Variants in PDZRN4 observed in about 807,000 individuals in gnomAD.
PDZRN4 encodes PDZ domain containing ring finger 4.
PDZRN4 carries 70 observed loss-of-function variants against 99.0 expected under a neutral mutation model. The ratio of observed to expected loss-of-function variants is 0.71; its 90% CI spans 0.58 to 0.86. PDZRN4 has a LOEUF of 0.86. PDZRN4 is among the 40% of genes least tolerant of loss of function. The probability of loss-of-function intolerance (pLI) is 0.00; values close to 1 mark genes in which losing one functional copy is unlikely to be tolerated. For synonymous variants in PDZRN4, 551 were observed against 501.6 expected (o/e 1.10, Z -1.32); for missense variants, 1,474 against 1,331.2 (o/e 1.11, Z -1.67).
chr12:41,246,509 T>C (rs7302984), intron 3 of PDZRN4, among the ~76,000 whole-genome samples: 85,863 of 151,780 alleles, frequency 0.57, 24,357 homozygotes, highest in East Asian at 0.65. Flanking sequence ...ACGTTTGCAG[T>C]TTGTTGCCCT....
chr12:41,385,889 C>T (rs1952166811), intron 3 of PDZRN4, among the ~76,000 whole-genome samples: 3 of 152,048 alleles, frequency 2.0e-5, no homozygotes, highest in Admixed American at 6.6e-5. Context: ...CCAATAACCT[C>T]GATGAACATA....
At chr12:41,405,928 T>C (rs1229936610) in intron 3 of PDZRN4, among the ~76,000 whole-genome samples, 2 of 146,700 alleles carry the variant, frequency 1.4e-5, no homozygotes, top group African/African-American at 5.1e-5. Context: ...GTTGGAACAA[T>C]AGACACTGCA....
At chr12:41,353,972 G>A (rs1039384691) in intron 3 of PDZRN4, among the ~76,000 whole-genome samples, 11 of 151,914 alleles carry the variant, frequency 7.2e-5, no homozygotes, top group African/African-American at 7.3e-5. Context: ...ATTACCTAAC[G>A]GATACTTTAT....
chr12:41,191,170 A>T (rs2120631562), intron 1 of PDZRN4, among the ~76,000 whole-genome samples: 1 of 152,348 alleles, frequency 6.6e-6, no homozygotes, highest in South Asian at 2.1e-4. Flanking sequence ...TCAGATTTAG[A>T]TACTGCATTA....
chr12:41,276,705 A>T (rs577236563), intron 3 of PDZRN4, among the ~76,000 whole-genome samples: 41 of 152,252 alleles, frequency 2.7e-4, no homozygotes, highest in African/African-American at 9.9e-4. Flanking sequence ...TTATTTTCCT[A>T]ATACACTGGG....
chr12:41,508,890 G>A (rs553504086), intron 4 of PDZRN4, among the ~76,000 whole-genome samples: 1 of 152,098 alleles, frequency 6.6e-6, no homozygotes, highest in Non-Finnish European at 1.5e-5. Flanking sequence ...ATCCACACTG[G>A]CAGGAGTTAG....
intron 3 of PDZRN4, among the ~76,000 whole-genome samples, chr12:41,282,021 A>G (rs1350241280): frequency 6.6e-6 from 1 of 152,200 alleles, no homozygotes; most frequent in African/African-American, 2.4e-5. Context: ...CATACATAAC[A>G]ATATTAACCT....
At chr12:41,432,162 C>T (rs570005863) in intron 3 of PDZRN4, among the ~76,000 whole-genome samples, 5 of 152,172 alleles carry the variant, frequency 3.3e-5, no homozygotes, top group South Asian at 2.1e-4. Flanking sequence ...TAGAGCAGAA[C>T]GTGAATTTAA....
Position 41,224,306 on chromosome 12 carries a change from T to C in PDZRN4, c.843+30118T>C, listed in dbSNP as rs988131770. Among the ~76,000 whole-genome samples, 6 of 152,342 alleles carry C rather than the reference T, an allele frequency of 3.9e-5. No individual in the cohort carries two copies. In the East Asian group the frequency reaches 1.2e-3, roughly 29 times the overall value. On this transcript the variant is annotated intron_variant, in intron 3 of 9. Transcript: ENST00000402685. ...AGATTATGTTACTTGCCCCATACTGTGCCATGAATCTCTTAACCAATGGCC... is the reference window on the plus strand; with the variant it reads ...AGATTATGTTACTTGCCCCATACTGCGCCATGAATCTCTTAACCAATGGCC...
chr12:41,276,125 C>A (rs1951348423), intron 3 of PDZRN4, among the ~76,000 whole-genome samples: 1 of 152,208 alleles, frequency 6.6e-6, no homozygotes, highest in Admixed American at 6.5e-5. Flanking sequence ...TCCCAAGGGA[C>A]AAATATTGGT....
intron 3 of PDZRN4, among the ~76,000 whole-genome samples, chr12:41,305,832 T>A (rs1951566116): frequency 1.3e-5 from 2 of 152,166 alleles, no homozygotes; most frequent in Non-Finnish European, 2.9e-5. Context: ...TTAAGACAAA[T>A]GTCTTAATTA....
intron 6 of PDZRN4, 142 bp downstream of exon 6, chr12:41,552,896 A>G (rs1478778115): frequency 1.7e-6 from 1 of 587,928 alleles, no homozygotes; most frequent in Admixed American, 2.8e-5. Context: ...TGTCACCTTC[A>G]ATTAGGAAAG....
At chr12:41,495,812 C>T (rs960837863) in intron 3 of PDZRN4, among the ~76,000 whole-genome samples, 5 of 152,084 alleles carry the variant, frequency 3.3e-5, no homozygotes, top group African/African-American at 9.7e-5. Flanking sequence ...AGAGGACTTA[C>T]TCTTTCATGC....
intron 3 of PDZRN4, among the ~76,000 whole-genome samples, chr12:41,447,059 G>A (rs1466972054): frequency 6.6e-6 from 1 of 151,940 alleles, no homozygotes; most frequent in Non-Finnish European, 1.5e-5. Context: ...AAAAGTGAAG[G>A]GGCTTAGTGC....
chr12:41,374,165 T>A (rs60157841), intron 3 of PDZRN4, among the ~76,000 whole-genome samples: 71,943 of 151,876 alleles, frequency 0.47, 17,814 homozygotes, highest in Middle Eastern at 0.65. Context: ...ATGCCTGAGG[T>A]ACATGAACAG....
At chr12:41,291,476 T>C (rs1011541697) in intron 3 of PDZRN4, among the ~76,000 whole-genome samples, 1 of 152,290 alleles carries the variant, frequency 6.6e-6, no homozygotes, top group South Asian at 2.1e-4. Flanking sequence ...TATCGGCAAA[T>C]TGGGAATAAT....
chr12:41,268,012 C>G (rs888959817), intron 3 of PDZRN4, among the ~76,000 whole-genome samples: 10 of 152,198 alleles, frequency 6.6e-5, no homozygotes, highest in Non-Finnish European at 1.3e-4. Flanking sequence ...CTGAACTACT[C>G]TGATATCATT....
At chr12:41,229,335 A>C (rs1320208741) in intron 3 of PDZRN4, among the ~76,000 whole-genome samples, 3 of 152,052 alleles carry the variant, frequency 2.0e-5, no homozygotes, top group Non-Finnish European at 2.9e-5. Flanking sequence ...ACAGAGTGCC[A>C]GACAGGATTC....
At chr12:41,248,508 G>T (rs1591984186) in intron 3 of PDZRN4, among the ~76,000 whole-genome samples, 1 of 112,648 alleles carries the variant, frequency 8.9e-6, no homozygotes. Context: ...GTAATGGACA[G>T]CAGTAATAGC....
Sources: allele counts gnomAD v4.1 joint callset (sites outside exome capture counted in the v4.1 genomes callset), GRCh38; gene constraint gnomAD v4.1.1; transcripts MANE v1.5; gene names NCBI Gene and HGNC (gene_info 2026-07-23, HGNC 2026-07-21).